BRINP3: variants seen among roughly 807,000 people sequenced by gnomAD.
BRINP3 encodes BMP/retinoic acid-inducible neural-specific protein 3.
BRINP3 carries 19 observed loss-of-function variants against 71.0 expected under a neutral mutation model. The ratio of observed to expected loss-of-function variants is 0.27; its 90% confidence interval spans 0.19 to 0.39. The LOEUF is 0.39. Ranked by LOEUF, BRINP3 falls within the 10% of genes least tolerant of loss-of-function variation. BRINP3 has a pLI of 1.00. For synonymous variants in BRINP3, 380 were observed against 337.7 expected, an observed-to-expected ratio of 1.13 and a Z score of -1.37; for missense variants, 959 against 940.8, an observed-to-expected ratio of 1.02 and a Z score of -0.25.
intron 3 of BRINP3, among the ~76,000 whole-genome samples, chr1:190,272,087 T>A (rs528309796): frequency 6.6e-6 from 1 of 151,674 alleles, no homozygotes; most frequent in East Asian, 1.9e-4. Flanking sequence ...TCATTTCCTA[T>A]CTACAGGAGA....
chr1:190,131,693 T>C (rs1179899197), intron 7 of BRINP3, among the ~76,000 whole-genome samples: 1 of 152,116 alleles, frequency 6.6e-6, no homozygotes, highest in African/African-American at 2.4e-5. Flanking sequence ...ATCATTCTCC[T>C]GCTCCAACAA....
intron 6 of BRINP3, among the ~76,000 whole-genome samples, chr1:190,202,989 C>T (rs1188183333): frequency 6.6e-6 from 1 of 152,026 alleles, no homozygotes; most frequent in African/African-American, 2.4e-5. Context: ...ACTTGAGCTC[C>T]ATTTAGGTTA....
intron 6 of BRINP3, among the ~76,000 whole-genome samples, chr1:190,208,641 C>T (rs1285716361): frequency 3.3e-5 from 5 of 152,064 alleles, no homozygotes; most frequent in Middle Eastern, 6.8e-3. Context: ...ACTACAGGCA[C>T]ACACCACCAT....
chr1:190,241,500 C>T (rs780110782), intron 4 of BRINP3, among the ~76,000 whole-genome samples: 1 of 151,810 alleles, frequency 6.6e-6, no homozygotes, highest in African/African-American at 2.4e-5. Flanking sequence ...AATAAAGTTA[C>T]AATAAAACAC....
chr1:190,451,855 T>C (rs1675629862), intron 2 of BRINP3, among the ~76,000 whole-genome samples: 3 of 152,284 alleles, frequency 2.0e-5, no homozygotes, highest in Non-Finnish European at 2.9e-5. Context: ...AATAAAAATA[T>C]GTTGCTGGAG....
chr1:190,296,145 C>A (rs1664237787), intron 2 of BRINP3, among the ~76,000 whole-genome samples: 2 of 148,978 alleles, frequency 1.3e-5, no homozygotes, highest in Admixed American at 1.3e-4. Context: ...AGGATCTTTT[C>A]CCCTATATTT....
intron 1 of BRINP3, among the ~76,000 whole-genome samples, chr1:190,471,112 G>C (rs1010766631): frequency 6.6e-6 from 1 of 151,162 alleles, no homozygotes. Flanking sequence ...TTTATGCTTT[G>C]AAAAGATAGG....
intron 2 of BRINP3, among the ~76,000 whole-genome samples, chr1:190,432,978 A>T (rs1033455362): frequency 6.6e-6 from 1 of 152,194 alleles, no homozygotes; most frequent in Non-Finnish European, 1.5e-5. Flanking sequence ...ACATATATCA[A>T]TTATAGTGTT....
At chr1:190,313,967 A>C (rs1350192139) in intron 2 of BRINP3, among the ~76,000 whole-genome samples, 1 of 152,102 alleles carries the variant, frequency 6.6e-6, no homozygotes, top group Non-Finnish European at 1.5e-5. Flanking sequence ...TTCATACATC[A>C]AATGCAATTC....
intron 2 of BRINP3, among the ~76,000 whole-genome samples, chr1:190,406,486 A>G (rs1248007793): frequency 6.6e-6 from 1 of 152,210 alleles, no homozygotes. Flanking sequence ...TTCAATCTCA[A>G]GTGATATAAA....
intron 6 of BRINP3, among the ~76,000 whole-genome samples, chr1:190,168,372 A>AAAAGGAATTTGTG (rs1651738637): frequency 6.6e-6 from 1 of 152,154 alleles, no homozygotes. Context: ...AAGTATGGCA[A>AAAAGGAATTTGTG]ATATTCAACT....
intron 3 of BRINP3, among the ~76,000 whole-genome samples, chr1:190,275,005 T>C (rs943429765): frequency 1.3e-5 from 2 of 151,600 alleles, no homozygotes; most frequent in Non-Finnish European, 3.0e-5. Flanking sequence ...TAATATGTTT[T>C]GCAAAGTATC....
intron 2 of BRINP3, among the ~76,000 whole-genome samples, chr1:190,301,866 T>C (rs1217033360): frequency 6.6e-6 from 1 of 152,012 alleles, no homozygotes; most frequent in Middle Eastern, 3.2e-3. Flanking sequence ...TAAACAGATA[T>C]ATAGTTATAG....
rs1274254027 is a variant in BRINP3 at position 190,098,415 on chromosome 1, G to A, written c.1904C>T (p.Ser635Phe). 1 of 1,614,120 alleles carries A rather than the reference G, an allele frequency of 6.2e-7. No individual in the cohort carries two copies. Among genetic ancestry groups the A allele is most frequent in the Non-Finnish European group, 8.5e-7 (1 of 1,180,026 alleles). The change falls in exon 8 of 8, where the codon TCC becomes TTC. Residue 635 changes from serine to phenylalanine, a missense_variant. Coordinates refer to ENST00000367462, the MANE Select transcript of BRINP3 (RefSeq NM_199051.3). ...VHIYLRSRIK[S>F]NGPNGNESIY... ...GCTCTCATTACCATTGGGACCATTG[G>A]ACTTGATGCGACTTCTCAGGTAGAT...
At chr1:190,199,026 G>GGA (rs3070549) in intron 6 of BRINP3, among the ~76,000 whole-genome samples, 69,257 of 151,840 alleles carry the variant, frequency 0.46, 16,030 homozygotes, top group African/African-American at 0.5. Context: ...ACATGCCTGG[G>GGA]GAGGCCTCAC....
chr1:190,227,428 T>A (rs1386037622), intron 5 of BRINP3, among the ~76,000 whole-genome samples: 1 of 151,804 alleles, frequency 6.6e-6, no homozygotes, highest in African/African-American at 2.4e-5. Context: ...CTGGAATAAA[T>A]ATTTATTGAA....
intron 2 of BRINP3, among the ~76,000 whole-genome samples, chr1:190,356,045 G>C (rs1023679867): frequency 6.6e-6 from 1 of 151,880 alleles, no homozygotes; most frequent in Non-Finnish European, 1.5e-5. Context: ...TGTTCAATAG[G>C]TGTCAGTCAC....
At chr1:190,152,530 A>ACC (rs1571852849) in intron 7 of BRINP3, among the ~76,000 whole-genome samples, 9 of 29,892 alleles carry the variant, frequency 3.0e-4, no homozygotes, top group Admixed American at 2.4e-3. Flanking sequence ...AATCTCCCCC[A>ACC]ACCCCCCCCC....
intron 2 of BRINP3, among the ~76,000 whole-genome samples, chr1:190,313,386 G>A (rs965960591): frequency 2.6e-5 from 4 of 151,992 alleles, no homozygotes; most frequent in African/African-American, 4.8e-5. Flanking sequence ...AGAAGTCAGC[G>A]TGAAGGGTGG....
Sources: gnomAD v4.1 joint callset for allele counts (sites outside exome capture counted in the v4.1 genomes callset) on GRCh38, gnomAD v4.1.1 for gene constraint, MANE v1.5 for transcripts, NCBI Gene and HGNC (gene_info 2026-07-23, HGNC 2026-07-21) for gene names.